Variants in REEP3 observed in about 807,000 individuals in gnomAD.
REEP3 encodes the protein receptor expression-enhancing protein 3.
A neutral mutation model predicts 41.3 loss-of-function variants in REEP3; 20 were observed. The observed-to-expected ratio is 0.48, with a 90% CI of 0.34 to 0.70. The LOEUF is 0.70. Ranked by LOEUF, REEP3 falls within the 30% of genes least tolerant of loss-of-function variation. The probability of loss-of-function intolerance (pLI) is 0.01; values close to 1 mark genes in which losing one functional copy is unlikely to be tolerated. For synonymous variants in REEP3, 104 were observed against 101.8 expected (o/e 1.02, Z -0.13); for missense variants, 271 against 308.8 (o/e 0.88, Z 0.92).
intron 1 of REEP3, among the ~76,000 whole-genome samples, chr10:63,554,088 CA>C (rs1475215142): frequency 4.2e-5 from 6 of 143,404 alleles, no homozygotes; most frequent in African/African-American, 1.5e-4. Context: ...GGTGACAGAG[CA>C]AGACTCCGTC....
At position 63,619,918 on chromosome 10, in the gene REEP3, ATTTTTTTTT is replaced by A; in HGVS notation, c.711+136_711+144del. 3 of 249,600 alleles carry A rather than the reference ATTTTTTTTT, an allele frequency of 1.2e-5. No individual in the cohort carries two copies. The South Asian group carries it at 1.7e-4, about 14-fold the overall frequency. 15.5% of individuals were successfully genotyped at this position (249,600 alleles called of 1,614,324 possible). On this transcript the variant is annotated intron_variant, in intron 7 of 7. Transcript: ENST00000373758. ...ATTGGAATGGTAGAACAGCAGTTTG[ATTTTTTTTT>A]TTTTTTTTTTTTTTTTTAGTTTTTG...
intron 7 of REEP3, 118 bp downstream of exon 7, chr10:63,619,918 ATTT>A (rs71463534): frequency 0.035 from 8,555 of 247,510 alleles, no homozygotes; most frequent in Middle Eastern, 0.049. Flanking sequence ...CAGCAGTTTG[ATTT>A]TTTTTTTTTT....
chr10:63,592,368 G>A (rs1956072045), intron 2 of REEP3, among the ~76,000 whole-genome samples: 1 of 152,124 alleles, frequency 6.6e-6, no homozygotes, highest in Admixed American at 6.5e-5. Context: ...GTCTCCCCAA[G>A]AGTCTAGGGC....
At chr10:63,611,043 G>C (rs1189900369) in intron 6 of REEP3, among the ~76,000 whole-genome samples, 1 of 152,122 alleles carries the variant, frequency 6.6e-6, no homozygotes, top group African/African-American at 2.4e-5. Flanking sequence ...CTGCACTCCA[G>C]CCTGGGCAAC....
chr10:63,521,975 C>G (rs1209552308), intron 1 of REEP3: 1 of 151,726 alleles, frequency 6.6e-6, no homozygotes, highest in Non-Finnish European at 1.5e-5. Context: ...CGCCTCGCAG[C>G]TGCTCCCTGC....
intron 1 of REEP3, among the ~76,000 whole-genome samples, chr10:63,565,023 C>A (rs1438778798): frequency 6.6e-6 from 1 of 152,104 alleles, no homozygotes; most frequent in Non-Finnish European, 1.5e-5. Context: ...TTTGGGAGGC[C>A]AAGGCAGGTG....
chr10:63,534,212 A>G (rs1046300086), intron 1 of REEP3, among the ~76,000 whole-genome samples: 4 of 151,944 alleles, frequency 2.6e-5, no homozygotes, highest in African/African-American at 9.7e-5. Flanking sequence ...ATTCTTAAGA[A>G]TTTCTAGATG....
At chr10:63,619,845 T>A in intron 7 of REEP3, 45 bp downstream of exon 7, 1 of 1,531,574 alleles carries the variant, frequency 6.5e-7, no homozygotes, top group Admixed American at 1.9e-5. Context: ...AGTGAAGGAT[T>A]TCCCTGCTGT....
At chr10:63,547,057 G>A (rs1955585510) in intron 1 of REEP3, among the ~76,000 whole-genome samples, 1 of 152,128 alleles carries the variant, frequency 6.6e-6, no homozygotes, top group Non-Finnish European at 1.5e-5. Flanking sequence ...AAGTAGCTGG[G>A]ATTACAGGCG....
At chr10:63,582,508 A>G (rs1955963919) in intron 2 of REEP3, among the ~76,000 whole-genome samples, 1 of 152,040 alleles carries the variant, frequency 6.6e-6, no homozygotes, top group Non-Finnish European at 1.5e-5. Context: ...TTAAAAACAT[A>G]TATGTTGATG....
Position 63,566,245 on chromosome 10 carries a change from A to G in REEP3, c.33-93A>G, listed in dbSNP as rs76658276. On this transcript the variant is annotated intron_variant, in intron 1 of 7. Transcript: ENST00000373758. ...TCTGAGCGGATTTAATTTACACACA[A>G]ATTTACAGTTATTTGTTTATTAGGT... 4,433 of 719,090 alleles carry G rather than the reference A, an allele frequency of 6.2e-3. 161 individuals carry two copies. The African/African-American group carries it at 0.071, about 12-fold the overall frequency. The allele number at this position is 719,090 out of a possible 1,614,324, so 44.5% of individuals were successfully genotyped here. A position where few individuals can be genotyped will look rare whatever the true frequency, so the allele number is the denominator to read the frequency against.
chr10:63,593,833 G>T (rs2133403974), intron 2 of REEP3, among the ~76,000 whole-genome samples: 1 of 152,270 alleles, frequency 6.6e-6, no homozygotes, highest in South Asian at 2.1e-4. Flanking sequence ...TACCATTGTG[G>T]AATTAGAGTG....
chr10:63,539,251 T>G (rs191152846), intron 1 of REEP3, among the ~76,000 whole-genome samples: 1 of 152,180 alleles, frequency 6.6e-6, no homozygotes, highest in South Asian at 2.1e-4. Flanking sequence ...AACTATAGGT[T>G]TATTAGGGTC....
At chr10:63,579,484 G>A (rs1343548317) in intron 2 of REEP3, among the ~76,000 whole-genome samples, 1 of 152,224 alleles carries the variant, frequency 6.6e-6, no homozygotes, top group Non-Finnish European at 1.5e-5. Flanking sequence ...ATTTTAGAAT[G>A]TGAATTCAAG....
chr10:63,532,651 G>A (rs1955433756), intron 1 of REEP3, among the ~76,000 whole-genome samples: 1 of 147,186 alleles, frequency 6.8e-6, no homozygotes, highest in African/African-American at 2.5e-5. Context: ...GCGAGACTCC[G>A]TCAAAAAAAA....
chr10:63,566,354 C>A lies in REEP3; in HGVS notation c.49C>A (p.Leu17Ile). Residue 17 changes from leucine (L) to isoleucine (I), a missense_variant, in exon 2 of 8, where the codon CTT becomes ATT. Leu to Ile is a conservative substitution (Grantham distance 5). Coordinates refer to ENST00000373758, the MANE Select transcript of REEP3 (RefSeq NM_001001330.3). The part of the protein sequence containing the change: ...SRAVVLVFGM[L>I]YPAYYSYKAV... Reference sequence around the variant, plus strand: ...TACTTTTAGGCTGGTGTTTGGAATGCTTTATCCTGCATATTATTCATACAA... The same window carrying A: ...TACTTTTAGGCTGGTGTTTGGAATGATTTATCCTGCATATTATTCATACAA... 1 of 1,550,390 alleles carries A rather than the reference C, an allele frequency of 6.4e-7. No homozygotes were observed. Among genetic ancestry groups the A allele is most frequent in the Non-Finnish European group, 8.7e-7 (1 of 1,143,388 alleles).
At position 63,623,573 on chromosome 10, in the gene REEP3, G is replaced by T. The variant is rs1956371093; in HGVS notation, c.*2704G>T. 1 of 152,326 alleles carries T rather than the reference G, an allele frequency of 6.6e-6. No homozygotes were observed. Among genetic ancestry groups the T allele is most frequent in the African/African-American group, 2.4e-5 (1 of 41,428 alleles). The allele number at this position is 152,326 out of a possible 1,614,324, so 9.4% of individuals were successfully genotyped here. A position where few individuals can be genotyped will look rare whatever the true frequency, so the allele number is the denominator to read the frequency against. ...ATTTTGCTGTACATTTACTCAACTT[G>T]TCCATTAGTATTTAACTATTTCCAG... On this transcript the variant is annotated 3_prime_UTR_variant, in exon 8 of 8. Transcript: ENST00000373758.
chr10:63,562,361 G>A (rs559148907), intron 1 of REEP3, among the ~76,000 whole-genome samples: 7 of 151,508 alleles, frequency 4.6e-5, no homozygotes, highest in South Asian at 2.1e-4. Flanking sequence ...AGGTTCCAGC[G>A]ATTCTCCTAC....
intron 2 of REEP3, among the ~76,000 whole-genome samples, chr10:63,580,819 C>G (rs925984911): frequency 9.2e-5 from 14 of 152,102 alleles, no homozygotes; most frequent in Admixed American, 6.5e-4. Flanking sequence ...AGCAGACCAG[C>G]CTGGGTAACA....
Sources: gnomAD v4.1 joint callset for allele counts (sites outside exome capture counted in the v4.1 genomes callset) on GRCh38, gnomAD v4.1.1 for gene constraint, MANE v1.5 for transcripts, NCBI Gene and HGNC (gene_info 2026-07-23, HGNC 2026-07-21) for gene names.